Variants in KIAA0513 observed in about 807,000 individuals in gnomAD.
KIAA0513 encodes the protein KIAA0513, also known as uncharacterized protein KIAA0513.
KIAA0513 carries 39 observed loss-of-function variants against 56.5 expected under a neutral mutation model. The observed-to-expected ratio is 0.69, with a 90% confidence interval of 0.53 to 0.90. KIAA0513 has a LOEUF of 0.90. KIAA0513 is among the 40% of genes least tolerant of loss of function. The probability of loss-of-function intolerance (pLI) is 0.00; values close to 1 mark genes in which losing one functional copy is unlikely to be tolerated. For missense variants in KIAA0513, 591 were observed against 535.2 expected (o/e 1.10, Z -1.03); for synonymous variants, 268 against 215.6 (o/e 1.24, Z -2.13).
At chr16:85,049,077 A>T (rs1159479379) in intron 1 of KIAA0513, among the ~76,000 whole-genome samples, 1 of 152,262 alleles carries the variant, frequency 6.6e-6, no homozygotes, top group Non-Finnish European at 1.5e-5. Context: ...CACGGTGGCC[A>T]TGTCCCCTCT....
intron 8 of KIAA0513, chr16:85,079,700 G>C (rs73254569): frequency 2.6e-5 from 4 of 152,426 alleles, no homozygotes; most frequent in African/African-American, 9.6e-5. Flanking sequence ...GTGAGAGAAT[G>C]TTCTGGAAAT....
chr16:85,081,916 C>T lies in KIAA0513; in HGVS notation c.980+524C>T, dbSNP rs576074830. ...AGGGGAGGGGCTGGCACCCACCCCA[C>T]GGGGGCCGATGCCATAGCAAGCAAA... is the stretch of plus-strand genomic sequence containing the variant. On this transcript the variant is annotated intron_variant, in intron 9 of 12. Transcript: ENST00000683363. The surrounding 1 kb of genome is among the most constrained non-coding windows in gnomAD (Gnocchi z 4.4). Among the ~76,000 whole-genome samples, 2 of 152,340 alleles carry T rather than the reference C, an allele frequency of 1.3e-5. No individual in the cohort carries two copies. Among genetic ancestry groups the T allele is most frequent in the South Asian group, 2.1e-4 (1 of 4,824 alleles).
intron 7 of KIAA0513, 64 bp downstream of exon 7, chr16:85,078,519 A>C: frequency 6.6e-7 from 1 of 1,516,444 alleles, no homozygotes; most frequent in Non-Finnish European, 9.1e-7. Context: ...GCACACAAGC[A>C]GGTGCACGGC....
chr16:85,038,572 G>T (rs1291606344), intron 1 of KIAA0513, among the ~76,000 whole-genome samples: 11 of 151,940 alleles, frequency 7.2e-5, no homozygotes, highest in African/African-American at 2.7e-4. Context: ...GCTGGGCGTG[G>T]TGGTGGGCAC....
rs1277507525 is a variant in KIAA0513, at chr16:85,079,009, G to A, written c.902+6G>A. On this transcript the variant is annotated splice_donor_region_variant and intron_variant, in intron 8 of 12. Coordinates refer to ENST00000683363, the MANE Select transcript of KIAA0513 (RefSeq NM_001388359.1). ...CTGAAGCAACAGCCCATCTGGTAAG[G>A]CCGAGCCCGCGGCTTCCCGTCACCC... 1 of 1,614,030 alleles carries A rather than the reference G, an allele frequency of 6.2e-7. No individual in the cohort carries two copies. The highest frequency in any genetic ancestry group is 8.5e-7 in the Non-Finnish European group (1 of 1,180,024).
intron 1 of KIAA0513, among the ~76,000 whole-genome samples, chr16:85,053,513 T>C (rs1212093659): frequency 6.6e-6 from 1 of 152,198 alleles, no homozygotes. Flanking sequence ...GTTTGCCCCA[T>C]TAGGGATGGA....
chr16:85,087,676 C>T (rs2073825142), intron 12 of KIAA0513, among the ~76,000 whole-genome samples: 1 of 152,260 alleles, frequency 6.6e-6, no homozygotes, highest in African/African-American at 2.4e-5. Context: ...GGGCCCGTCC[C>T]TGTGTGCCCC....
intron 1 of KIAA0513, among the ~76,000 whole-genome samples, chr16:85,049,264 C>T (rs2073214287): frequency 6.6e-6 from 1 of 152,232 alleles, no homozygotes; most frequent in African/African-American, 2.4e-5. Flanking sequence ...GGAGGATTTG[C>T]CCAGTCTTTC....
chr16:85,060,402 C>G (rs1214460095), intron 1 of KIAA0513, among the ~76,000 whole-genome samples: 1 of 152,204 alleles, frequency 6.6e-6, no homozygotes, highest in East Asian at 1.9e-4. Flanking sequence ...CTCAGAGACA[C>G]AGGTGGTGTC....
At chr16:85,057,172 T>C (rs367883095) in intron 1 of KIAA0513, among the ~76,000 whole-genome samples, 10 of 152,340 alleles carry the variant, frequency 6.6e-5, no homozygotes, top group East Asian at 1.9e-4. Context: ...CTGGGTTATA[T>C]TGTAAACCCC....
chr16:85,088,392 C>G lies in KIAA0513; in HGVS notation c.*67C>G. 7.2e-7 allele frequency: 1 copy of G among 1,390,646 alleles called. No individual in the cohort carries two copies. The highest frequency in any genetic ancestry group is 1.0e-6 in the Non-Finnish European group (1 of 990,942). 86.1% of individuals were successfully genotyped at this position (1,390,646 alleles called of 1,614,324 possible). A position where few individuals can be genotyped will look rare whatever the true frequency, so the allele number is the denominator to read the frequency against. Reference sequence around the variant, plus strand: ...CCATTCTCCCGGGCCCAGCGCCCGGCCGTCACCCCACCCGATGACCTGCAT... The same window carrying G: ...CCATTCTCCCGGGCCCAGCGCCCGGGCGTCACCCCACCCGATGACCTGCAT... On this transcript the variant is annotated 3_prime_UTR_variant, in exon 13 of 13. Coordinates refer to ENST00000683363, the MANE Select transcript of KIAA0513 (RefSeq NM_001388359.1).
chr16:85,031,196 C>T (rs952456549), intron 1 of KIAA0513, among the ~76,000 whole-genome samples: 3 of 152,142 alleles, frequency 2.0e-5, no homozygotes, highest in African/African-American at 4.8e-5. Context: ...AAGACTTGGC[C>T]TTGGCTGGGT....
At chr16:85,054,576 T>C (rs1022841996) in intron 1 of KIAA0513, among the ~76,000 whole-genome samples, 16 of 151,900 alleles carry the variant, frequency 1.1e-4, no homozygotes, top group African/African-American at 3.6e-4. Context: ...ATTGCAGGTG[T>C]GCACCACCAC....
chr16:85,062,735 G>T (rs531291000), intron 1 of KIAA0513, among the ~76,000 whole-genome samples: 1 of 152,206 alleles, frequency 6.6e-6, no homozygotes, highest in Non-Finnish European at 1.5e-5. Context: ...TAGAAGCTCT[G>T]ATACTCCTGG....
At chr16:85,078,214 A>G (rs939947158) in intron 6 of KIAA0513, among the ~76,000 whole-genome samples, 1 of 152,218 alleles carries the variant, frequency 6.6e-6, no homozygotes, top group Non-Finnish European at 1.5e-5. Context: ...AGAAAATGAC[A>G]TAAAGAAACC....
At chr16:85,032,750 C>A (rs988321994) in intron 1 of KIAA0513, among the ~76,000 whole-genome samples, 8 of 152,158 alleles carry the variant, frequency 5.3e-5, no homozygotes, top group Non-Finnish European at 8.8e-5. Context: ...CCTGCCTCAG[C>A]CTCCCGAGTA....
At position 85,075,913 on chromosome 16, in the gene KIAA0513, C is replaced by G. The variant is rs139577777; in HGVS notation, c.573C>G (p.Ile191Met). The G allele has an allele frequency of 1.2e-6, 2 of 1,612,116 alleles. No homozygotes were observed. Among genetic ancestry groups the G allele is most frequent in the Non-Finnish European group, 1.7e-6 (2 of 1,178,236 alleles). Residue 191 changes from isoleucine (I) to methionine (M), a missense_variant and splice_region_variant, in exon 5 of 13, where the codon ATC becomes ATG. Physicochemically the swap from Ile to Met is conservative, Grantham distance 10. Transcript: ENST00000683363. ...LMTMCFTYYH[I>M]GKPQLLPPES... ...CCATGTGCTTCACCTACTACCACAT[C>G]GGTAAGACATGGGTGGGCTGATGTG... is the stretch of plus-strand genomic sequence containing the variant.
intron 1 of KIAA0513, among the ~76,000 whole-genome samples, chr16:85,064,414 A>G (rs1225556738): frequency 6.6e-6 from 1 of 152,206 alleles, no homozygotes; most frequent in East Asian, 1.9e-4. Context: ...TGTGTTTTGA[A>G]TTATTTTCTT....
chr16:85,064,545 C>T (rs1470846583), intron 1 of KIAA0513, among the ~76,000 whole-genome samples: 1 of 152,144 alleles, frequency 6.6e-6, no homozygotes, highest in Non-Finnish European at 1.5e-5. Context: ...GTTAATTTTA[C>T]CATAACTTTA....
Sources: gnomAD v4.1 joint callset for allele counts (sites outside exome capture counted in the v4.1 genomes callset) on GRCh38, gnomAD v4.1.1 for gene constraint, Gnocchi (gnomAD v3.1) non-coding constraint, MANE v1.5 for transcripts, NCBI Gene and HGNC (gene_info 2026-07-23, HGNC 2026-07-21) for gene names.